The following MACROD1 variants were observed in gnomAD, a reference collection of about 807,000 sequenced individuals.
MACROD1 encodes the protein mono-ADP ribosylhydrolase 1, also known as ADP-ribose glycohydrolase MACROD1.
Under a neutral mutation model 41.4 loss-of-function variants are expected in MACROD1, and 31 were observed. The ratio of observed to expected loss-of-function variants is 0.75; its 90% CI spans 0.56 to 1.01. The LOEUF (loss-of-function observed/expected upper bound fraction) is 1.01. Ranked by LOEUF, MACROD1 falls within the 50% of genes least tolerant of loss-of-function variation. The pLI, the probability that MACROD1 is intolerant of heterozygous loss-of-function variation, is 0.00. For missense variants in MACROD1, 473 were observed against 460.0 expected, an observed-to-expected ratio of 1.03 and a Z score of -0.26; for synonymous variants, 252 against 203.4, an observed-to-expected ratio of 1.24 and a Z score of -2.03.
rs1945492694 is a variant in MACROD1 at position 64,146,161 on chromosome 11, G to A, written c.517+5078C>T. On this transcript the variant is annotated intron_variant, in intron 3 of 10. Coordinates refer to ENST00000255681, the MANE Select transcript of MACROD1 (RefSeq NM_014067.4). The surrounding 1 kb of genome is among the most constrained non-coding windows in gnomAD (Gnocchi z 4.7). ...AGAAGTCCACACACACAGGTCTGGT[G>A]CACCAGGAAACTCAAGGGCAGGGAG... 6.6e-6 allele frequency among the ~76,000 whole-genome samples: 1 copy of A among 152,148 alleles called. No homozygotes were observed. The highest frequency in any genetic ancestry group is 2.4e-5 in the African/African-American group (1 of 41,424).
chr11:64,085,708 T>C (rs1944382258), intron 3 of MACROD1, among the ~76,000 whole-genome samples: 2 of 152,280 alleles, frequency 1.3e-5, no homozygotes, highest in East Asian at 1.9e-4. Flanking sequence ...AGGGGCAACC[T>C]TGCAGGCTGT....
chr11:64,142,217 A>G (rs1003067650), intron 3 of MACROD1, among the ~76,000 whole-genome samples: 27 of 152,304 alleles, frequency 1.8e-4, no homozygotes, highest in Middle Eastern at 3.4e-3. Flanking sequence ...TCTCAAGGGC[A>G]TGGAGTCACT....
intron 3 of MACROD1, among the ~76,000 whole-genome samples, chr11:64,142,482 A>T (rs971790301): frequency 1.3e-5 from 2 of 152,210 alleles, no homozygotes; most frequent in African/African-American, 4.8e-5. Flanking sequence ...GAAGCAGGGG[A>T]CGGGGCGGAA....
chr11:64,049,290 GCCCAGGAT>G (rs1392580986), intron 3 of MACROD1, among the ~76,000 whole-genome samples: 1 of 152,150 alleles, frequency 6.6e-6, no homozygotes, highest in Non-Finnish European at 1.5e-5. Flanking sequence ...AAAGGGACTG[GCCCAGGAT>G]CCCCAAAGCC....
chr11:64,107,607 T>A (rs1160011554), intron 3 of MACROD1, among the ~76,000 whole-genome samples: 3 of 152,228 alleles, frequency 2.0e-5, no homozygotes, highest in Admixed American at 6.5e-5. Flanking sequence ...AGAAAAATAA[T>A]TAACTTTAGG....
chr11:64,025,862 G>A (rs1251188736), intron 3 of MACROD1, among the ~76,000 whole-genome samples: 1 of 151,944 alleles, frequency 6.6e-6, no homozygotes, highest in Non-Finnish European at 1.5e-5. Flanking sequence ...TAGGACTACA[G>A]GCACACATCA....
chr11:64,001,734 C>A (rs1352937599), intron 4 of MACROD1: 1 of 702,288 alleles, frequency 1.4e-6, no homozygotes, highest in African/African-American at 1.7e-5. Flanking sequence ...GCAGCTGTAG[C>A]CCAGGGCGAG....
intron 3 of MACROD1, among the ~76,000 whole-genome samples, chr11:64,020,088 A>T (rs1345912858): frequency 6.6e-6 from 1 of 152,070 alleles, no homozygotes; most frequent in Non-Finnish European, 1.5e-5. Context: ...AAAACAATGA[A>T]CTTTTAGGTC....
chr11:64,094,293 A>T (rs977288340), intron 3 of MACROD1, among the ~76,000 whole-genome samples: 8 of 152,180 alleles, frequency 5.3e-5, no homozygotes, highest in Non-Finnish European at 1.0e-4. Flanking sequence ...TTAGCCGGGC[A>T]TGGTGACAGG....
chr11:64,119,905 G>A (rs963324242), intron 3 of MACROD1, among the ~76,000 whole-genome samples: 4 of 151,804 alleles, frequency 2.6e-5, no homozygotes, highest in Non-Finnish European at 4.4e-5. Flanking sequence ...GTTCCGACGT[G>A]CCTGCGTCCC....
chr11:64,116,944 G>T (rs771760157), intron 3 of MACROD1: 4 of 1,611,270 alleles, frequency 2.5e-6, no homozygotes, highest in Non-Finnish European at 2.5e-6. Flanking sequence ...AGCCTGCGGC[G>T]CCTGGTGCTG....
intron 3 of MACROD1, among the ~76,000 whole-genome samples, chr11:64,053,962 G>C (rs1404788237): frequency 1.3e-5 from 2 of 151,976 alleles, no homozygotes; most frequent in African/African-American, 4.8e-5. Flanking sequence ...AGCTGTTCCT[G>C]CGTTCCAGCA....
At chr11:64,159,765 G>T (rs1945726140) in intron 1 of MACROD1, among the ~76,000 whole-genome samples, 1 of 152,160 alleles carries the variant, frequency 6.6e-6, no homozygotes, top group South Asian at 2.1e-4. Flanking sequence ...CTGCACTCCA[G>T]CCTGGGCAAC....
Position 64,165,998 on chromosome 11 carries a change from C to A in MACROD1, c.-4G>T. ...ACAGTCGGCTCTGTAGAGACATGAG[C>A]GGGCGGCGCGGGACGGCTCTCCGCC... is the stretch of plus-strand genomic sequence containing the variant. On this transcript the variant is annotated 5_prime_UTR_variant, in exon 1 of 11. Coordinates refer to ENST00000255681, the MANE Select transcript of MACROD1 (RefSeq NM_014067.4). 1 of 1,261,290 alleles carries A rather than the reference C, an allele frequency of 7.9e-7. No individual in the cohort carries two copies. Among genetic ancestry groups the A allele is most frequent in the African/African-American group, 1.5e-5 (1 of 64,594 alleles). 78.1% of individuals were successfully genotyped at this position (1,261,290 alleles called of 1,614,324 possible). A position where few individuals can be genotyped will look rare whatever the true frequency, so the allele number is the denominator to read the frequency against.
chr11:64,098,232 C>A (rs1054748353), intron 3 of MACROD1, among the ~76,000 whole-genome samples: 5 of 152,204 alleles, frequency 3.3e-5, no homozygotes, highest in Non-Finnish European at 7.3e-5. Context: ...AAAGACCAGG[C>A]CCCTCAGTGC....
chr11:64,123,323 G>A (rs987132845), intron 3 of MACROD1, among the ~76,000 whole-genome samples: 5 of 152,186 alleles, frequency 3.3e-5, no homozygotes, highest in Non-Finnish European at 5.9e-5. Flanking sequence ...TTGGCCTTCC[G>A]AGTGCAGAGA....
intron 3 of MACROD1, among the ~76,000 whole-genome samples, chr11:64,107,772 T>C (rs553984120): frequency 2.0e-5 from 3 of 152,126 alleles, no homozygotes; most frequent in African/African-American, 7.2e-5. Flanking sequence ...TTGAGGGTCA[T>C]GGCATCTAGT....
At position 64,033,547 on chromosome 11, in the gene MACROD1, T is replaced by A. The variant is rs184884289; in HGVS notation, c.518-18266A>T. ...GACTACAGGTGCCTAATTTTTTTTT[T>A]AAATTATTTTTTGCCGGGTGTGGTG... On this transcript the variant is annotated intron_variant, in intron 3 of 10. Transcript: ENST00000255681. 1.2e-3 allele frequency among the ~76,000 whole-genome samples: 178 copies of A among 152,044 alleles called. 3 individuals are homozygous for A. In the East Asian group the frequency reaches 0.025, roughly 21 times the overall value.
intron 3 of MACROD1, among the ~76,000 whole-genome samples, chr11:64,031,384 G>C (rs949528639): frequency 1.3e-5 from 2 of 151,878 alleles, no homozygotes; most frequent in African/African-American, 4.8e-5. Flanking sequence ...CCAGCCCTCT[G>C]TGTTGTGCAT....
Sources: allele counts gnomAD v4.1 joint callset (sites outside exome capture counted in the v4.1 genomes callset), GRCh38; gene constraint gnomAD v4.1.1; non-coding constraint Gnocchi (gnomAD v3.1); transcripts MANE v1.5; gene names NCBI Gene and HGNC (gene_info 2026-07-23, HGNC 2026-07-21).